Variants in NOD2 observed in about 807,000 individuals in gnomAD.
NOD2 encodes nucleotide binding oligomerization domain containing 2, also known as nucleotide-binding oligomerization domain-containing protein 2.
In NOD2, 86 loss-of-function variants were observed where a neutral mutation model predicts 90.9. The ratio of observed to expected loss-of-function variants is 0.95; its 90% confidence interval spans 0.79 to 1.13. The LOEUF is 1.13. Ranked by LOEUF, NOD2 falls within the 50% of genes most tolerant of loss-of-function variation. The probability of loss-of-function intolerance (pLI) is 0.00; values close to 1 mark genes in which losing one functional copy is unlikely to be tolerated. For missense variants in NOD2, 1,238 were observed against 1,283.8 expected (o/e 0.96, Z 0.55); for synonymous variants, 581 against 554.6 (o/e 1.05, Z -0.67).
intron 4 of NOD2, among the ~76,000 whole-genome samples, chr16:50,713,936 G>T (rs189967877): frequency 2.0e-5 from 3 of 152,330 alleles, no homozygotes; most frequent in Admixed American, 6.5e-5. Context: ...GGTAGAGAAG[G>T]GGGAGAGTGG....
intron 1 of NOD2, among the ~76,000 whole-genome samples, chr16:50,695,666 CA>C (rs1450829304): frequency 6.6e-6 from 1 of 152,016 alleles, no homozygotes; most frequent in East Asian, 1.9e-4. Context: ...TGTTAGGAAC[CA>C]GCCAAGAAGA....
chr16:50,711,243 CA>C lies in NOD2; in HGVS notation c.1253del (p.Lys418ArgfsTer12), dbSNP rs1198315856. On this transcript the variant is annotated frameshift_variant, in exon 4 of 12. Transcript: ENST00000647318. LOFTEE classifies it high-confidence loss of function. ...AGTACATCCGCACCGAGTTCAACCT[CA>C]AGGGCTTCTCTGAACAGGGCATCGA... ...RKYIRTEFNLKGFSEQGIELY... is the reference protein window; with the variant it reads ...RKYIRTEFNLXGFSEQGIELY... The C allele has an allele frequency of 1.5e-5, 25 of 1,613,916 alleles. No individual in the cohort carries two copies. Among genetic ancestry groups the C allele is most frequent in the Non-Finnish European group, 1.9e-5 (22 of 1,180,052 alleles).
chr16:50,710,893 G>T lies in NOD2; in HGVS notation c.901G>T (p.Val301Phe). ...GCAAGACTTCCAGGAATTTCTCTTT[G>T]TCTTCCCATTCAGCTGCCGGCAGCT... ...AGQDFQEFLFVFPFSCRQLQC... is the reference protein window; with the variant it reads ...AGQDFQEFLFFFPFSCRQLQC... Residue 301 changes from valine (V) to phenylalanine (F), a missense_variant, in exon 4 of 12, where the codon GTC (valine) becomes TTC (phenylalanine). Physicochemically the swap from Val to Phe is conservative, Grantham distance 50. Around this residue, in one of 3 missense-constraint regions of NOD2, gnomAD observed 567 missense variants for 577.3 expected, o/e 0.98. Coordinates refer to ENST00000647318, the MANE Select transcript of NOD2 (RefSeq NM_001370466.1). 1 of 1,614,134 alleles carries T rather than the reference G, an allele frequency of 6.2e-7. No individual in the cohort carries two copies. Among genetic ancestry groups the T allele is most frequent in the Admixed American group, 1.7e-5 (1 of 60,022 alleles).
At chr16:50,713,741 G>C (rs972164038) in intron 4 of NOD2, among the ~76,000 whole-genome samples, 1 of 151,962 alleles carries the variant, frequency 6.6e-6, no homozygotes, top group Non-Finnish European at 1.5e-5. Context: ...CTAATTAGCT[G>C]GGGGGAAGGT....
chr16:50,695,678 C>G (rs1248207106), intron 1 of NOD2, among the ~76,000 whole-genome samples: 1 of 151,968 alleles, frequency 6.6e-6, no homozygotes, highest in East Asian at 1.9e-4. Context: ...GCCAAGAAGA[C>G]AGAAAGAGTG....
At chr16:50,699,461 C>T in intron 1 of NOD2, 27 bp from the exon 2 acceptor site, 1 of 1,603,330 alleles carries the variant, frequency 6.2e-7, no homozygotes. Context: ...TGGAGAAGTC[C>T]CGCACTGACC....
intron 3 of NOD2, among the ~76,000 whole-genome samples, chr16:50,709,439 A>G (rs1178395108): frequency 2.6e-5 from 4 of 152,196 alleles, no homozygotes; most frequent in East Asian, 3.9e-4. Flanking sequence ...GCACTTCCCC[A>G]TTTCCTGAAA....
At position 50,712,190 on chromosome 16, in the gene NOD2, G is replaced by A. The variant is rs763955590; in HGVS notation, c.2198G>A (p.Arg733His). The A allele has an allele frequency of 1.2e-5, 20 of 1,613,826 alleles. No individual in the cohort carries two copies. Among genetic ancestry groups the A allele is most frequent in the Middle Eastern group, 1.6e-4 (1 of 6,084 alleles). Residue 733 changes from arginine to histidine, a missense_variant, in exon 4 of 12, where the codon CGT (arginine) becomes CAT (histidine). Physicochemically the swap from Arg to His is conservative, Grantham distance 29. Transcript: ENST00000647318. ...GAGCGGCTGGCTCGGAAGGCTGCAC[G>A]TGGCCTGAATGTTGGGCACCTCAAG... ...QEERLARKAA[R>H]GLNVGHLKLT...
Position 50,711,488 on chromosome 16 carries a change from C to T in NOD2, c.1496C>T (p.Thr499Ile). ...CTGCAGCATTTTCTGCTGCATGCCA[C>T]CCCCCCAGACTCAGCTTCCCAAGGT... is the stretch of plus-strand genomic sequence containing the variant. ...LILQHFLLHA[T>I]PPDSASQGLG... The change falls in exon 4 of 12, where the codon ACC becomes ATC. Residue 499 changes from threonine to isoleucine, a missense_variant. By Grantham distance (89) the Thr-to-Ile change is moderately conservative (BLOSUM62 -1). Around this residue, in one of 3 missense-constraint regions of NOD2, gnomAD observed 667 missense variants for 688.7 expected, o/e 0.97. Transcript: ENST00000647318. 6.2e-7 allele frequency: 1 copy of T among 1,611,892 alleles called. No homozygotes were observed. Among genetic ancestry groups the T allele is most frequent in the Non-Finnish European group, 8.5e-7 (1 of 1,179,394 alleles).
chr16:50,703,940 A>G (rs758354158), intron 2 of NOD2, among the ~76,000 whole-genome samples: 15 of 152,156 alleles, frequency 9.9e-5, no homozygotes, highest in Non-Finnish European at 2.1e-4. Flanking sequence ...GGCCAGAGGA[A>G]GTGGGCTGCT....
chr16:50,702,908 T>C (rs1330397044), intron 2 of NOD2, among the ~76,000 whole-genome samples: 2 of 152,228 alleles, frequency 1.3e-5, no homozygotes, highest in Admixed American at 1.3e-4. Context: ...ACTTGCTCAG[T>C]TGGGCATAGC....
At chr16:50,696,459 T>G (rs1314013969) in intron 1 of NOD2, 2 of 152,322 alleles carry the variant, frequency 1.3e-5, no homozygotes, top group Admixed American at 6.5e-5. Context: ...AGATTTCGCC[T>G]GAAGAGGGGA....
intron 1 of NOD2, among the ~76,000 whole-genome samples, chr16:50,698,391 T>C (rs919024952): frequency 1.3e-5 from 2 of 151,968 alleles, no homozygotes; most frequent in Non-Finnish European, 2.9e-5. Flanking sequence ...CTAGGGCAAG[T>C]GTGTGTGGGA....
intron 1 of NOD2, among the ~76,000 whole-genome samples, chr16:50,694,916 A>G (rs1963574992): frequency 6.6e-6 from 1 of 152,062 alleles, no homozygotes; most frequent in Non-Finnish European, 1.5e-5. Context: ...GGGAAGCAGG[A>G]TGGGGTGCTG....
At chr16:50,720,104 A>T in intron 7 of NOD2, 96 bp downstream of exon 7, 1 of 1,118,592 alleles carries the variant, frequency 8.9e-7, no homozygotes, top group Non-Finnish European at 1.3e-6. Flanking sequence ...GAGGCCCCAG[A>T]GGCAGCCCAG....
rs554292255 is a variant in NOD2, at chr16:50,729,809, C to A, written c.2886-9C>A. On this transcript the variant is annotated splice_polypyrimidine_tract_variant and intron_variant, in intron 10 of 11. Transcript: ENST00000647318. Reference sequence around the variant, plus strand: ...TCCTTGAAGCTCACCATTGTATCTTCTTTTCCAGGTTGTCCAATAACTGCA... The same window carrying A: ...TCCTTGAAGCTCACCATTGTATCTTATTTTCCAGGTTGTCCAATAACTGCA... 55 of 1,609,944 alleles carry A rather than the reference C, an allele frequency of 3.4e-5. 1 individual carries two copies. The South Asian group carries it at 5.7e-4, about 17-fold the overall frequency.
At chr16:50,719,338 C>T (rs897498471) in intron 6 of NOD2, among the ~76,000 whole-genome samples, 9 of 152,206 alleles carry the variant, frequency 5.9e-5, no homozygotes, top group African/African-American at 2.2e-4. Flanking sequence ...CAGGTGAGAG[C>T]TCTGGGGCTT....
intron 6 of NOD2, among the ~76,000 whole-genome samples, chr16:50,718,663 T>C (rs1964908470): frequency 6.6e-6 from 1 of 152,192 alleles, no homozygotes; most frequent in African/African-American, 2.4e-5. Context: ...CCAATGTCTG[T>C]GTGCCTCCGT....
chr16:50,716,166 C>T (rs1481892558), intron 4 of NOD2, among the ~76,000 whole-genome samples: 2 of 152,186 alleles, frequency 1.3e-5, no homozygotes, highest in Admixed American at 1.3e-4. Flanking sequence ...TGTCTGCTGA[C>T]CTAGATGATG....
Sources: allele counts gnomAD v4.1 joint callset (sites outside exome capture counted in the v4.1 genomes callset), GRCh38; gene constraint gnomAD v4.1.1; regional missense constraint gnomAD v4.1.1; transcripts MANE v1.5; gene names NCBI Gene and HGNC (gene_info 2026-07-23, HGNC 2026-07-21).